CHN1: variants seen among roughly 807,000 people sequenced by gnomAD.
CHN1 encodes N-chimaerin.
CHN1 carries 37 observed loss-of-function variants against 59.5 expected under a neutral mutation model. The ratio of observed to expected loss-of-function variants is 0.62; its 90% CI spans 0.48 to 0.82. The LOEUF (loss-of-function observed/expected upper bound fraction) is 0.82, where lower values mean the gene tolerates loss of function less well. CHN1 is among the 40% of genes least tolerant of loss of function. CHN1 has a pLI of 0.00. For missense variants in CHN1, 469 were observed against 571.0 expected (o/e 0.82, Z 1.82); for synonymous variants, 206 against 200.4 (o/e 1.03, Z -0.24).
chr2:174,814,314 C>T (rs967829046), intron 8 of CHN1, among the ~76,000 whole-genome samples: 2 of 152,196 alleles, frequency 1.3e-5, no homozygotes, highest in Non-Finnish European at 2.9e-5. Flanking sequence ...GAACAAATGA[C>T]CCAACACTAT....
At chr2:174,874,114 A>C (rs1687488121) in intron 6 of CHN1, among the ~76,000 whole-genome samples, 1 of 152,224 alleles carries the variant, frequency 6.6e-6, no homozygotes, top group African/African-American at 2.4e-5. Flanking sequence ...TTTCGAAAGT[A>C]TGGTTTGGGG....
intron 3 of CHN1, chr2:174,920,936 G>A: frequency 2.3e-6 from 1 of 427,976 alleles, no homozygotes; most frequent in Non-Finnish European, 4.8e-6. Context: ...GGGAGACAGT[G>A]ACAGATCATC....
intron 8 of CHN1, among the ~76,000 whole-genome samples, chr2:174,817,525 G>A (rs1335531964): frequency 1.3e-5 from 2 of 149,880 alleles, no homozygotes; most frequent in South Asian, 2.1e-4. Flanking sequence ...AGTCAATGGC[G>A]CAATCTTGGC....
rs75797021 is a variant in CHN1 at position 174,921,205 on chromosome 2, T to C, written c.115-2640A>G. Among the ~76,000 whole-genome samples, 211 of 152,304 alleles carry C rather than the reference T, an allele frequency of 1.4e-3. 5 individuals carry two copies. The East Asian group carries it at 0.034, about 24-fold the overall frequency. On this transcript the variant is annotated intron_variant, in intron 3 of 12. Transcript: ENST00000409900. ...TGGCCTGGGGATTGGGGACACCTAA[T>C]CTATAGCATACCCTACTGGCTTATC...
intron 6 of CHN1, among the ~76,000 whole-genome samples, chr2:174,858,942 T>C (rs1488691084): frequency 6.7e-6 from 1 of 149,442 alleles, no homozygotes; most frequent in Non-Finnish European, 1.5e-5. Flanking sequence ...GACATTTTAA[T>C]GGACTGAGAA....
intron 1 of CHN1, among the ~76,000 whole-genome samples, chr2:175,004,275 C>T (rs1296284986): frequency 6.6e-6 from 1 of 152,234 alleles, no homozygotes; most frequent in African/African-American, 2.4e-5. Context: ...ACAAAAATAA[C>T]ATTTCATTCT....
chr2:174,800,991 A>G (rs1330111782), intron 12 of CHN1, among the ~76,000 whole-genome samples: 1 of 152,240 alleles, frequency 6.6e-6, no homozygotes, highest in Non-Finnish European at 1.5e-5. Context: ...ATTTTTATAT[A>G]ACTCATGCCT....
chr2:174,803,224 A>G (rs1041676314), intron 11 of CHN1, among the ~76,000 whole-genome samples: 1 of 152,250 alleles, frequency 6.6e-6, no homozygotes, highest in Non-Finnish European at 1.5e-5. Context: ...AATTGAAGTC[A>G]GGTAAAAATT....
chr2:174,842,783 T>G (rs1050224412), intron 7 of CHN1, among the ~76,000 whole-genome samples: 1 of 152,208 alleles, frequency 6.6e-6, no homozygotes, highest in Non-Finnish European at 1.5e-5. Context: ...GAATCAGTAA[T>G]TTTATTAACT....
intron 1 of CHN1, among the ~76,000 whole-genome samples, chr2:174,955,195 T>G (rs1690161533): frequency 2.0e-5 from 2 of 99,400 alleles, no homozygotes; most frequent in East Asian, 2.3e-4. Flanking sequence ...TATATATATA[T>G]ATATAATTGA....
chr2:174,898,459 C>T (rs561283846), intron 5 of CHN1, among the ~76,000 whole-genome samples: 1 of 144,772 alleles, frequency 6.9e-6, no homozygotes, highest in South Asian at 2.2e-4. Context: ...AAAAAAATAG[C>T]TGGGCTTGGT....
At chr2:174,935,558 G>C (rs1469097755) in intron 3 of CHN1, among the ~76,000 whole-genome samples, 2 of 152,136 alleles carry the variant, frequency 1.3e-5, no homozygotes, top group Non-Finnish European at 2.9e-5. Flanking sequence ...TAATCTGCTT[G>C]GGGGAGACAG....
chr2:174,856,467 C>T (rs990510913), intron 6 of CHN1, among the ~76,000 whole-genome samples: 5 of 152,142 alleles, frequency 3.3e-5, no homozygotes, highest in African/African-American at 4.8e-5. Context: ...GCTCCCTGAT[C>T]GATTCACATG....
chr2:174,984,401 G>A (rs143623983), intron 1 of CHN1, among the ~76,000 whole-genome samples: 3 of 127,318 alleles, frequency 2.4e-5, no homozygotes, highest in Non-Finnish European at 3.1e-5. Context: ...ATGGAGTCTC[G>A]CTCTGTCACC....
In CHN1 at chr2:174,897,423, TTG is replaced by T. The variant is rs373042316; in HGVS notation, c.260+17633_260+17634del. Among the ~76,000 whole-genome samples the T allele has an allele frequency of 3.8e-4, 56 of 147,846 alleles. 2 individuals carry two copies. In the Middle Eastern group the frequency reaches 0.01, roughly 28 times the overall value. Reference sequence around the variant, plus strand: ...ACAGATAAAATAAATCTCTGTGTGCTTGTGTGTGTGTGTGTGTGTGTATATAC... The same window carrying T: ...ACAGATAAAATAAATCTCTGTGTGCTTGTGTGTGTGTGTGTGTGTATATAC... On this transcript the variant is annotated intron_variant, in intron 5 of 12. Coordinates refer to ENST00000409900, the MANE Select transcript of CHN1 (RefSeq NM_001822.7).
intron 1 of CHN1, among the ~76,000 whole-genome samples, chr2:174,973,527 C>A (rs2105440762): frequency 6.6e-6 from 1 of 152,284 alleles, no homozygotes; most frequent in South Asian, 2.1e-4. Flanking sequence ...CAAGAGAAGA[C>A]AAAGTGATGA....
At chr2:174,891,087 G>A (rs1224651664) in intron 5 of CHN1, among the ~76,000 whole-genome samples, 24 of 133,474 alleles carry the variant, frequency 1.8e-4, no homozygotes, top group Non-Finnish European at 1.2e-4. Flanking sequence ...CTTGCAGTGA[G>A]CCGAGATAGT....
intron 1 of CHN1, among the ~76,000 whole-genome samples, chr2:174,954,703 A>G (rs1338237968): frequency 6.6e-6 from 1 of 152,204 alleles, no homozygotes; most frequent in African/African-American, 2.4e-5. Flanking sequence ...GTTCAACATC[A>G]CTAATTATCA....
At chr2:174,841,894 C>T (rs1686316177) in intron 7 of CHN1, among the ~76,000 whole-genome samples, 1 of 151,944 alleles carries the variant, frequency 6.6e-6, no homozygotes, top group Non-Finnish European at 1.5e-5. Context: ...ACCATTAATT[C>T]AAAACACTAT....
Sources: allele counts gnomAD v4.1 joint callset (sites outside exome capture counted in the v4.1 genomes callset), GRCh38; gene constraint gnomAD v4.1.1; transcripts MANE v1.5; gene names NCBI Gene and HGNC (gene_info 2026-07-23, HGNC 2026-07-21).